TMOD1: variants seen among roughly 807,000 people sequenced by gnomAD.
TMOD1 encodes the protein tropomodulin 1.
A neutral mutation model predicts 40.6 loss-of-function variants in TMOD1; 17 were observed. That is an observed-to-expected ratio of 0.42 (90% confidence interval 0.29 to 0.63). The LOEUF (loss-of-function observed/expected upper bound fraction) is 0.63. TMOD1 is among the 20% of genes least tolerant of loss of function. The pLI is 0.22. For synonymous variants in TMOD1, 181 were observed against 175.0 expected, an observed-to-expected ratio of 1.03 and a Z score of -0.27; for missense variants, 391 against 447.6, an observed-to-expected ratio of 0.87 and a Z score of 1.14.
intron 8 of TMOD1, among the ~76,000 whole-genome samples, chr9:97,578,470 A>C (rs989230845): frequency 6.6e-6 from 1 of 152,190 alleles, no homozygotes; most frequent in East Asian, 1.9e-4. Flanking sequence ...GATCATGATT[A>C]TCTAATGGAA....
intron 8 of TMOD1, among the ~76,000 whole-genome samples, chr9:97,577,457 T>C (rs1478653748): frequency 1.3e-5 from 2 of 152,240 alleles, no homozygotes; most frequent in African/African-American, 4.8e-5. Context: ...GAAAAATTTC[T>C]TAATACTTCT....
chr9:97,568,013 A>G (rs1331556821), intron 7 of TMOD1, among the ~76,000 whole-genome samples: 1 of 151,876 alleles, frequency 6.6e-6, no homozygotes, highest in African/African-American at 2.4e-5. Context: ...ATTGTCATCT[A>G]CACCCCCTGG....
chr9:97,556,503 G>A (rs1209884826), intron 4 of TMOD1, among the ~76,000 whole-genome samples: 1 of 152,126 alleles, frequency 6.6e-6, no homozygotes, highest in Non-Finnish European at 1.5e-5. Flanking sequence ...AGGAGGACAT[G>A]GGGCGTCCAG....
At chr9:97,594,776 C>T (rs1587966764) in intron 9 of TMOD1, among the ~76,000 whole-genome samples, 1 of 152,224 alleles carries the variant, frequency 6.6e-6, no homozygotes, top group Non-Finnish European at 1.5e-5. Context: ...AGCTGTGGAT[C>T]CCATCTGCGT....
At chr9:97,536,190 G>A (rs2131235183) in intron 2 of TMOD1, among the ~76,000 whole-genome samples, 1 of 152,316 alleles carries the variant, frequency 6.6e-6, no homozygotes, top group South Asian at 2.1e-4. Flanking sequence ...AAGTGCCTAA[G>A]TTTTTCATAA....
At chr9:97,537,394 G>A (rs766803764) in intron 2 of TMOD1, among the ~76,000 whole-genome samples, 2 of 152,208 alleles carry the variant, frequency 1.3e-5, no homozygotes, top group Non-Finnish European at 2.9e-5. Context: ...AGCCCACAAG[G>A]TTCTAGGCAG....
At chr9:97,593,660 C>T (rs1826044779) in intron 9 of TMOD1, among the ~76,000 whole-genome samples, 3 of 152,000 alleles carry the variant, frequency 2.0e-5, no homozygotes, top group Admixed American at 2.0e-4. Flanking sequence ...TCAAGAATGC[C>T]TACAAATTCT....
chr9:97,546,734 G>T (rs767196073), intron 3 of TMOD1, among the ~76,000 whole-genome samples: 1 of 152,056 alleles, frequency 6.6e-6, no homozygotes, highest in Non-Finnish European at 1.5e-5. Context: ...TTCAAGACCA[G>T]CCTGGCCAAC....
At chr9:97,531,606 A>G (rs1257000801) in intron 2 of TMOD1, among the ~76,000 whole-genome samples, 1 of 152,130 alleles carries the variant, frequency 6.6e-6, no homozygotes, top group African/African-American at 2.4e-5. Flanking sequence ...GCAAGACTCC[A>G]TCTCAAAAAC....
chr9:97,555,036 T>C lies in TMOD1; in HGVS notation c.397+1636T>C, dbSNP rs142187580. ...AATTTGAAGGACAAAGGGCAATGGC[T>C]TGAAGGGTATTGGGACTGAGAGAGA... On this transcript the variant is annotated intron_variant, in intron 4 of 9. Transcript: ENST00000259365. 3.8e-4 allele frequency among the ~76,000 whole-genome samples: 58 copies of C among 152,194 alleles called. No individual in the cohort carries two copies. In the East Asian group the frequency reaches 9.5e-3, roughly 25 times the overall value.
intron 1 of TMOD1, among the ~76,000 whole-genome samples, chr9:97,512,173 A>G (rs10739428): frequency 0.72 from 109,824 of 152,028 alleles, 40,004 homozygotes; most frequent in Middle Eastern, 0.81. Flanking sequence ...GAAGGCATAT[A>G]AAATGTGCTC....
intron 2 of TMOD1, among the ~76,000 whole-genome samples, chr9:97,531,538 G>A (rs1229528740): frequency 1.3e-5 from 2 of 152,136 alleles, no homozygotes; most frequent in Admixed American, 6.5e-5. Context: ...TCGGACCTGG[G>A]AGGCGGAGGT....
chr9:97,546,683 C>G (rs920792463), intron 3 of TMOD1, among the ~76,000 whole-genome samples: 12 of 152,160 alleles, frequency 7.9e-5, no homozygotes, highest in Admixed American at 5.9e-4. Flanking sequence ...GACATCAGGA[C>G]TTTGGGAGAC....
chr9:97,547,306 G>T (rs1183168182), intron 3 of TMOD1, among the ~76,000 whole-genome samples: 2 of 150,868 alleles, frequency 1.3e-5, no homozygotes, highest in East Asian at 2.0e-4. Flanking sequence ...TACTCCCTAT[G>T]CCTGGAGTGC....
chr9:97,558,140 C>T (rs1334315553), intron 4 of TMOD1, among the ~76,000 whole-genome samples: 1 of 152,174 alleles, frequency 6.6e-6, no homozygotes, highest in African/African-American at 2.4e-5. Context: ...TTCTTCTTTT[C>T]GTCCTTCCTT....
chr9:97,566,473 C>A (rs556132313), intron 7 of TMOD1, among the ~76,000 whole-genome samples: 1 of 152,190 alleles, frequency 6.6e-6, no homozygotes, highest in South Asian at 2.1e-4. Context: ...AAGTTCGAGA[C>A]CAGCCTGGCC....
intron 9 of TMOD1, among the ~76,000 whole-genome samples, chr9:97,592,710 A>C (rs1177284754): frequency 6.6e-6 from 1 of 152,216 alleles, no homozygotes; most frequent in Non-Finnish European, 1.5e-5. Flanking sequence ...CAGACCCCAC[A>C]TGCACAGATA....
intron 3 of TMOD1, among the ~76,000 whole-genome samples, chr9:97,547,120 C>T (rs1181118908): frequency 5.9e-5 from 9 of 152,090 alleles, no homozygotes; most frequent in African/African-American, 2.2e-4. Context: ...CTGCTCCAGC[C>T]TGAGGCAAGC....
At chr9:97,581,037 A>C (rs1259235713) in intron 8 of TMOD1, among the ~76,000 whole-genome samples, 4 of 144,088 alleles carry the variant, frequency 2.8e-5, no homozygotes, top group African/African-American at 1.0e-4. Context: ...GTACATGTGC[A>C]CATTGTGCAG....
Sources: gnomAD v4.1 joint callset for allele counts (sites outside exome capture counted in the v4.1 genomes callset) on GRCh38, gnomAD v4.1.1 for gene constraint, MANE v1.5 for transcripts, NCBI Gene and HGNC (gene_info 2026-07-23, HGNC 2026-07-21) for gene names.